The following PCDH15 variants were observed in gnomAD, a reference collection of about 807,000 sequenced individuals.
PCDH15 encodes the protein protocadherin related 15.
In PCDH15, 129 loss-of-function variants were observed where a neutral mutation model predicts 178.5. The ratio of observed to expected loss-of-function variants is 0.72; its 90% CI spans 0.63 to 0.84. PCDH15 has a LOEUF of 0.84. PCDH15 is among the 40% of genes least tolerant of loss of function. The probability of loss-of-function intolerance (pLI) is 0.00; values close to 1 mark genes in which losing one functional copy is unlikely to be tolerated. For missense variants in PCDH15, 2,230 were observed against 2,099.9 expected (o/e 1.06, Z -1.21); for synonymous variants, 800 against 732.0 (o/e 1.09, Z -1.50).
At chr10:54,203,795 T>C (rs966049397) in intron 10 of PCDH15, among the ~76,000 whole-genome samples, 7 of 152,164 alleles carry the variant, frequency 4.6e-5, no homozygotes, top group African/African-American at 1.4e-4. Flanking sequence ...TTGATCTTTA[T>C]ATGAGGATGA....
chr10:55,503,174 A>G (rs1840691703), intron 2 of PCDH15, among the ~76,000 whole-genome samples: 1 of 151,272 alleles, frequency 6.6e-6, no homozygotes, highest in Non-Finnish European at 1.5e-5. Context: ...TCTAGGTTTC[A>G]GAGTGGGACT....
intron 2 of PCDH15, among the ~76,000 whole-genome samples, chr10:55,550,236 T>C (rs1219545696): frequency 1.3e-5 from 2 of 152,178 alleles, no homozygotes; most frequent in African/African-American, 2.4e-5. Flanking sequence ...TTCTATCCTT[T>C]ATTCATCTAC....
intron 2 of PCDH15, among the ~76,000 whole-genome samples, chr10:55,151,396 T>A (rs1838708077): frequency 6.6e-6 from 1 of 152,112 alleles, no homozygotes; most frequent in Non-Finnish European, 1.5e-5. Flanking sequence ...TTCTATTAAG[T>A]GACTTTATAT....
At chr10:54,900,550 C>A (rs1316536508) in intron 2 of PCDH15, among the ~76,000 whole-genome samples, 1 of 152,096 alleles carries the variant, frequency 6.6e-6, no homozygotes, top group Non-Finnish European at 1.5e-5. Flanking sequence ...ATTACTTTTA[C>A]AAATAAAAAT....
chr10:55,335,337 T>C (rs550598459), intron 2 of PCDH15, among the ~76,000 whole-genome samples: 3 of 152,170 alleles, frequency 2.0e-5, no homozygotes, highest in Non-Finnish European at 4.4e-5. Context: ...GTGAAACATA[T>C]GTGAGAGTGT....
At chr10:54,823,763 A>C (rs1953084580) in intron 3 of PCDH15, among the ~76,000 whole-genome samples, 1 of 152,122 alleles carries the variant, frequency 6.6e-6, no homozygotes, top group Non-Finnish European at 1.5e-5. Flanking sequence ...TCCAGCATGT[A>C]ATTTTAAAAT....
intron 8 of PCDH15, among the ~76,000 whole-genome samples, chr10:54,243,758 G>A (rs1463765561): frequency 2.0e-5 from 3 of 151,994 alleles, no homozygotes; most frequent in Non-Finnish European, 4.4e-5. Context: ...TTTTTCAAGG[G>A]TCAGAAATAT....
At chr10:54,604,113 T>C (rs999386228) in intron 2 of PCDH15, among the ~76,000 whole-genome samples, 5 of 152,068 alleles carry the variant, frequency 3.3e-5, no homozygotes, top group Non-Finnish European at 7.4e-5. Context: ...ATTAACTGAT[T>C]TACACTTTCA....
chr10:54,160,842 C>A (rs1282689982), intron 13 of PCDH15, among the ~76,000 whole-genome samples: 1 of 152,052 alleles, frequency 6.6e-6, no homozygotes, highest in Non-Finnish European at 1.5e-5. Flanking sequence ...CACAAAATCA[C>A]AATGAGATAC....
At chr10:54,984,898 C>T (rs1158051990) in intron 2 of PCDH15, among the ~76,000 whole-genome samples, 1 of 152,144 alleles carries the variant, frequency 6.6e-6, no homozygotes, top group Non-Finnish European at 1.5e-5. Flanking sequence ...CCTTCAGTCT[C>T]TTCTGAAGTC....
rs143538460 is a variant in PCDH15, at chr10:53,827,546, C to T, written c.4214G>A (p.Arg1405His). 3.8e-5 allele frequency: 62 copies of T among 1,613,978 alleles called. No homozygotes were observed. Among genetic ancestry groups the T allele is most frequent in the African/African-American group, 1.2e-4 (9 of 74,932 alleles). Residue 1405 changes from arginine to histidine, a missense_variant and splice_region_variant, in exon 32 of 38, where the codon CGT becomes CAT. Physicochemically the swap from Arg to His is conservative, Grantham distance 29. Coordinates refer to ENST00000644397, the MANE Select transcript of PCDH15 (RefSeq NM_001384140.1). The part of the protein sequence containing the change: ...VLVSYRQFKV[R>H]QAECTKTARI... ...TGCAGTCTTTGTACACTCAGCTTGA[C>T]GTCTTGGATAAAGTAAGGATGGCTT... is the stretch of plus-strand genomic sequence containing the variant.
chr10:54,992,237 C>A (rs1397630550), intron 2 of PCDH15, among the ~76,000 whole-genome samples: 1 of 152,156 alleles, frequency 6.6e-6, no homozygotes, highest in South Asian at 2.1e-4. Context: ...ACCACACTGC[C>A]ATTTGATCAA....
chr10:54,506,338 C>T (rs1442964223), intron 3 of PCDH15, among the ~76,000 whole-genome samples: 1 of 151,848 alleles, frequency 6.6e-6, no homozygotes, highest in Non-Finnish European at 1.5e-5. Context: ...CAAAAGTACT[C>T]TACCTAATAT....
chr10:54,858,321 C>T (rs140219002), intron 3 of PCDH15, among the ~76,000 whole-genome samples: 70 of 152,248 alleles, frequency 4.6e-4, no homozygotes, highest in Middle Eastern at 3.4e-3. Flanking sequence ...TTGATAGACA[C>T]TTCAGTTGAT....
intron 1 of PCDH15, among the ~76,000 whole-genome samples, chr10:54,727,005 C>T (rs1942643398): frequency 6.8e-6 from 1 of 147,922 alleles, no homozygotes; most frequent in Admixed American, 6.8e-5. Flanking sequence ...TTAACATTAA[C>T]CATGGAAATG....
At chr10:53,883,720 C>T (rs1052843463) in intron 26 of PCDH15, among the ~76,000 whole-genome samples, 2 of 152,042 alleles carry the variant, frequency 1.3e-5, no homozygotes, top group African/African-American at 2.4e-5. Context: ...ATTTAAAAGG[C>T]TTTTGTTTTG....
At chr10:53,915,726 A>T (rs2133824230) in intron 25 of PCDH15, among the ~76,000 whole-genome samples, 1 of 152,020 alleles carries the variant, frequency 6.6e-6, no homozygotes, top group East Asian at 1.9e-4. Flanking sequence ...TGCCTGGCTA[A>T]TTTTTGTATT....
intron 2 of PCDH15, among the ~76,000 whole-genome samples, chr10:54,611,181 C>T (rs1338844962): frequency 6.6e-6 from 1 of 151,748 alleles, no homozygotes; most frequent in Non-Finnish European, 1.5e-5. Context: ...TATGCTAACT[C>T]CCATTTTCTT....
chr10:55,600,443 G>C (rs546394212), intron 2 of PCDH15, among the ~76,000 whole-genome samples: 1 of 152,166 alleles, frequency 6.6e-6, no homozygotes, highest in East Asian at 1.9e-4. Flanking sequence ...CCGCACTAGT[G>C]TAAGTCAGTT....
Sources: allele counts gnomAD v4.1 joint callset (sites outside exome capture counted in the v4.1 genomes callset), GRCh38; gene constraint gnomAD v4.1.1; transcripts MANE v1.5; gene names NCBI Gene and HGNC (gene_info 2026-07-23, HGNC 2026-07-21).